LRMDA: variants seen among roughly 807,000 people sequenced by gnomAD.
LRMDA encodes the protein leucine rich melanocyte differentiation associated.
Under a neutral mutation model 29.8 loss-of-function variants are expected in LRMDA, and 18 were observed. The ratio of observed to expected loss-of-function variants is 0.60; its 90% CI spans 0.42 to 0.90. The LOEUF (loss-of-function observed/expected upper bound fraction) is 0.90, where lower values mean the gene tolerates loss of function less well. Ranked by LOEUF, LRMDA falls within the 40% of genes least tolerant of loss-of-function variation. The pLI is 0.00. For missense variants in LRMDA, 273 were observed against 273.9 expected (o/e 1.00, Z 0.02); for synonymous variants, 125 against 109.4 (o/e 1.14, Z -0.89).
chr10:76,132,821 G>T (rs188336825), intron 5 of LRMDA, among the ~76,000 whole-genome samples: 2 of 149,910 alleles, frequency 1.3e-5, no homozygotes, highest in Non-Finnish European at 1.5e-5. Context: ...TTGGCGGGGG[G>T]GGTCAGAGTT....
intron 2 of LRMDA, among the ~76,000 whole-genome samples, chr10:75,783,395 G>A (rs1843417677): frequency 6.7e-6 from 1 of 150,220 alleles, no homozygotes; most frequent in Admixed American, 6.7e-5. Flanking sequence ...CATTTTACAA[G>A]CTCCAAAAGG....
chr10:76,507,896 A>T (rs1464416818), intron 6 of LRMDA, among the ~76,000 whole-genome samples: 1 of 152,066 alleles, frequency 6.6e-6, no homozygotes, highest in Admixed American at 6.6e-5. Context: ...TGGTTACTAT[A>T]GCTTTATAGT....
At chr10:76,546,387 A>G (rs973572615) in intron 6 of LRMDA, among the ~76,000 whole-genome samples, 2 of 152,224 alleles carry the variant, frequency 1.3e-5, no homozygotes, top group Non-Finnish European at 2.9e-5. Context: ...ATGATTACCT[A>G]GTAAGACAGT....
intron 2 of LRMDA, among the ~76,000 whole-genome samples, chr10:75,512,295 C>T (rs1845234102): frequency 6.6e-6 from 1 of 151,986 alleles, no homozygotes; most frequent in Admixed American, 6.6e-5. Context: ...GTGATCAGAA[C>T]TGGGAAATTC....
At chr10:76,092,539 G>A (rs1849247045) in intron 5 of LRMDA, among the ~76,000 whole-genome samples, 1 of 152,154 alleles carries the variant, frequency 6.6e-6, no homozygotes, top group South Asian at 2.1e-4. Context: ...AGACTCACAG[G>A]GATGATACGG....
chr10:75,539,636 G>T (rs1442137595), intron 2 of LRMDA, among the ~76,000 whole-genome samples: 1 of 152,242 alleles, frequency 6.6e-6, no homozygotes, highest in Admixed American at 6.5e-5. Context: ...CTTCTCACAT[G>T]GTTTTCTCTT....
chr10:75,766,005 G>A (rs1843159589), intron 2 of LRMDA, among the ~76,000 whole-genome samples: 1 of 152,194 alleles, frequency 6.6e-6, no homozygotes, highest in South Asian at 2.1e-4. Flanking sequence ...AGGGCGTGGA[G>A]AACAGTGGCT....
intron 2 of LRMDA, among the ~76,000 whole-genome samples, chr10:75,506,760 A>T (rs187090089): frequency 1.7e-4 from 26 of 152,158 alleles, no homozygotes; most frequent in Non-Finnish European, 3.7e-4. Context: ...GTCTTTCCCC[A>T]TGGAAATCTT....
chr10:75,465,612 T>C (rs1242477262), intron 2 of LRMDA, among the ~76,000 whole-genome samples: 1 of 152,194 alleles, frequency 6.6e-6, no homozygotes, highest in Non-Finnish European at 1.5e-5. Context: ...ACCCACTAAA[T>C]TTAGGCGAAT....
intron 2 of LRMDA, among the ~76,000 whole-genome samples, chr10:75,711,224 GACA>G (rs1224816634): frequency 2.6e-5 from 4 of 152,150 alleles, no homozygotes. Flanking sequence ...CCATCTGTTG[GACA>G]AGGAGTTGGA....
At chr10:75,891,014 G>T (rs1289331160) in intron 2 of LRMDA, among the ~76,000 whole-genome samples, 5 of 152,044 alleles carry the variant, frequency 3.3e-5, no homozygotes, top group Admixed American at 3.3e-4. Context: ...TGAGGCAGGA[G>T]AATTGCCTTG....
chr10:75,538,801 A>G (rs1366245566), intron 2 of LRMDA, among the ~76,000 whole-genome samples: 1 of 152,222 alleles, frequency 6.6e-6, no homozygotes, highest in Non-Finnish European at 1.5e-5. Flanking sequence ...CAGACCCCCA[A>G]GGTGAAAGGC....
chr10:76,035,275 A>AC (rs987310557), intron 2 of LRMDA, among the ~76,000 whole-genome samples: 3 of 151,382 alleles, frequency 2.0e-5, no homozygotes, highest in African/African-American at 7.3e-5. Flanking sequence ...AATTCTCCCA[A>AC]CCCCCGTCTC....
chr10:76,118,102 TGTC>T (rs2132121288), intron 5 of LRMDA, among the ~76,000 whole-genome samples: 1 of 152,328 alleles, frequency 6.6e-6, no homozygotes, highest in African/African-American at 2.4e-5. Context: ...TACTTTGGGG[TGTC>T]ACCATGACTC....
intron 2 of LRMDA, among the ~76,000 whole-genome samples, chr10:75,508,496 G>T (rs1845192374): frequency 6.6e-6 from 1 of 152,188 alleles, no homozygotes; most frequent in Non-Finnish European, 1.5e-5. Context: ...AGTGCTGTTT[G>T]GGATCTGCTT....
intron 2 of LRMDA, among the ~76,000 whole-genome samples, chr10:75,497,612 G>T (rs1845062391): frequency 6.7e-6 from 1 of 149,862 alleles, no homozygotes; most frequent in Non-Finnish European, 1.5e-5. Flanking sequence ...GCTAATTCCT[G>T]CTCCCTCCCC....
chr10:75,710,400 A>G (rs752097518), intron 2 of LRMDA, among the ~76,000 whole-genome samples: 4 of 152,240 alleles, frequency 2.6e-5, no homozygotes, highest in Non-Finnish European at 4.4e-5. Context: ...ATCATTTGTT[A>G]TCCAGTACTA....
intron 5 of LRMDA, among the ~76,000 whole-genome samples, chr10:76,210,515 A>C (rs567246654): frequency 6.6e-6 from 1 of 152,360 alleles, no homozygotes; most frequent in East Asian, 1.9e-4. Context: ...TTAATTTTTC[A>C]TCAAGGATGC....
At chr10:76,448,784 A>G (rs762637933) in intron 6 of LRMDA, among the ~76,000 whole-genome samples, 5 of 151,388 alleles carry the variant, frequency 3.3e-5, no homozygotes, top group Admixed American at 1.3e-4. Flanking sequence ...TTCTTATTTT[A>G]TGACTCTTTA....
Sources: gnomAD v4.1 joint callset for allele counts (sites outside exome capture counted in the v4.1 genomes callset) on GRCh38, gnomAD v4.1.1 for gene constraint, MANE v1.5 for transcripts, NCBI Gene and HGNC (gene_info 2026-07-23, HGNC 2026-07-21) for gene names.